MYO9B: variants seen among roughly 807,000 people sequenced by gnomAD.
MYO9B encodes the protein unconventional myosin-IXb.
Under a neutral mutation model 229.5 loss-of-function variants are expected in MYO9B, and 71 were observed. The ratio of observed to expected loss-of-function variants is 0.31; its 90% CI spans 0.26 to 0.38. The LOEUF is 0.38. Ranked by LOEUF, MYO9B falls within the 10% of genes least tolerant of loss-of-function variation. The pLI is 1.00. For synonymous variants in MYO9B, 1,185 were observed against 1,235.8 expected (o/e 0.96, Z 0.86); for missense variants, 2,255 against 2,920.5 (o/e 0.77, Z 5.25).
At chr19:17,183,447 T>C (rs1309482007) in intron 15 of MYO9B, among the ~76,000 whole-genome samples, 1 of 152,194 alleles carries the variant, frequency 6.6e-6, no homozygotes, top group Non-Finnish European at 1.5e-5. Context: ...CATCCTGCTG[T>C]GATCTGGGGG....
At chr19:17,077,257 C>T (rs995567682) in intron 1 of MYO9B, among the ~76,000 whole-genome samples, 1 of 152,160 alleles carries the variant, frequency 6.6e-6, no homozygotes, top group Non-Finnish European at 1.5e-5. Context: ...TGGGATCTGC[C>T]AGAAGGGCTG....
At chr19:17,110,828 G>A (rs1184585385) in intron 2 of MYO9B, among the ~76,000 whole-genome samples, 1 of 152,118 alleles carries the variant, frequency 6.6e-6, no homozygotes, top group Non-Finnish European at 1.5e-5. Flanking sequence ...TCCAGTGAGG[G>A]ACTGAGGAAG....
rs759749156 is a variant in MYO9B at position 17,197,834 on chromosome 19, C to T, written c.4089C>T (p.Leu1363=). 3 of 1,613,552 alleles carry T rather than the reference C, an allele frequency of 1.9e-6. No individual in the cohort carries two copies. Among genetic ancestry groups the T allele is most frequent in the Non-Finnish European group, 2.5e-6 (3 of 1,179,876 alleles). Residue 1363 remains leucine (L), a synonymous_variant, in exon 23 of 40, where the codon CTC becomes CTT. Transcript: ENST00000682292. The stretch of plus-strand genomic sequence containing the variant: ...TCTCCACGAGCGACGTCTCCAAGCT[C>T]CTCCCGTCCCTGGCCAAGGCTCAGG... The part of the protein sequence containing the change: ...TSFSTSDVSK[L]LPSLAKAQPA...
At chr19:17,095,673 A>T (rs564471930) in intron 1 of MYO9B, 1 of 152,226 alleles carries the variant, frequency 6.6e-6, no homozygotes, top group African/African-American at 2.4e-5. Context: ...TTGGTGTACA[A>T]GGAATTGAGT....
At chr19:17,153,849 G>A (rs940014120) in intron 4 of MYO9B, 118 bp from the exon 5 acceptor site, 4 of 748,190 alleles carry the variant, frequency 5.3e-6, no homozygotes, top group Non-Finnish European at 9.5e-6. Context: ...CTGACGTACT[G>A]TTTTAAATTT....
At chr19:17,079,840 G>A (rs2057518683) in intron 1 of MYO9B, among the ~76,000 whole-genome samples, 1 of 152,142 alleles carries the variant, frequency 6.6e-6, no homozygotes, top group Non-Finnish European at 1.5e-5. Flanking sequence ...GGCCCCAGGC[G>A]GCCTCTCGGC....
At chr19:17,158,862 G>T (rs565748005) in intron 7 of MYO9B, among the ~76,000 whole-genome samples, 1 of 152,206 alleles carries the variant, frequency 6.6e-6, no homozygotes, top group East Asian at 1.9e-4. Flanking sequence ...CGGCAAGCCC[G>T]TGCTATGTGG....
chr19:17,183,709 C>T (rs2072886142), intron 15 of MYO9B, 120 bp from the exon 16 acceptor site: 3 of 814,824 alleles, frequency 3.7e-6, no homozygotes, highest in Middle Eastern at 4.7e-4. Flanking sequence ...TGCGCCTTCT[C>T]ACTCTCTCCC....
chr19:17,184,373 GAAGAGT>G (rs1416352959), intron 16 of MYO9B: 1 of 168,884 alleles, frequency 5.9e-6, no homozygotes, highest in Non-Finnish European at 1.3e-5. Flanking sequence ...AAATTTGCAA[GAAGAGT>G]AAGAATAGCC....
intron 22 of MYO9B, among the ~76,000 whole-genome samples, chr19:17,196,405 T>A (rs1032440409): frequency 6.6e-6 from 1 of 150,988 alleles, no homozygotes; most frequent in African/African-American, 2.4e-5. Context: ...AGAAGATGGG[T>A]AGAAATTAGG....
In MYO9B at chr19:17,184,035, T is replaced by C. The variant is rs1028640190; in HGVS notation, c.2373+167T>C. 1.5e-5 allele frequency: 10 copies of C among 687,116 alleles called. No homozygotes were observed. In the African/African-American group the frequency reaches 1.8e-4, roughly 13 times the overall value. The allele number at this position is 687,116 out of a possible 1,614,324, so 42.6% of individuals were successfully genotyped here. A position where few individuals can be genotyped will look rare whatever the true frequency, so the allele number is the denominator to read the frequency against. On this transcript the variant is annotated intron_variant, in intron 16 of 39. Coordinates refer to ENST00000682292, the MANE Select transcript of MYO9B (RefSeq NM_004145.4). ...CGTGTTGAGATGATTTAGAGCTGTC[T>C]CTTTATGGGTTTCCCAGAAGCAGGG...
intron 2 of MYO9B, among the ~76,000 whole-genome samples, chr19:17,110,183 C>T (rs1044155326): frequency 6.6e-6 from 1 of 152,166 alleles, no homozygotes; most frequent in Non-Finnish European, 1.5e-5. Flanking sequence ...CCCTGACCCC[C>T]GCCCCCCGCG....
intron 2 of MYO9B, among the ~76,000 whole-genome samples, chr19:17,143,180 C>T (rs533885785): frequency 5.9e-5 from 9 of 151,702 alleles, no homozygotes; most frequent in South Asian, 2.1e-4. Context: ...TGGAGATTGC[C>T]GTGAGCTGAG....
chr19:17,153,182 GTT>G (rs1294165342), intron 4 of MYO9B, among the ~76,000 whole-genome samples: 1 of 108,682 alleles, frequency 9.2e-6, no homozygotes, highest in Non-Finnish European at 2.0e-5. Context: ...TTGTTTGTTT[GTT>G]TTTGTTTTTG....
chr19:17,133,430 G>C (rs60360805), intron 2 of MYO9B, among the ~76,000 whole-genome samples: 30,904 of 151,754 alleles, frequency 0.2, 3,723 homozygotes, highest in African/African-American at 0.33. Context: ...CAACCCTGCC[G>C]CCACCCCCGG....
intron 15 of MYO9B, among the ~76,000 whole-genome samples, chr19:17,182,728 A>G (rs1056938532): frequency 2.0e-5 from 3 of 152,018 alleles, no homozygotes; most frequent in African/African-American, 7.3e-5. Context: ...GAATGCAACC[A>G]CGGATGGCTA....
rs1416950077 is a variant in MYO9B at position 17,163,127 on chromosome 19, G to A, written c.1671+5G>A. On this transcript the variant is annotated splice_donor_5th_base_variant and intron_variant, in intron 10 of 39. Coordinates refer to ENST00000682292, the MANE Select transcript of MYO9B (RefSeq NM_004145.4). ...CACATCTTCAAGCTGGAGCAGGTGCGGAAAGGGCTTTTTTGTCAATTTTTT... is the reference window on the plus strand; with the variant it reads ...CACATCTTCAAGCTGGAGCAGGTGCAGAAAGGGCTTTTTTGTCAATTTTTT... 7.1e-6 allele frequency: 11 copies of A among 1,549,576 alleles called. No individual in the cohort carries two copies. The highest frequency in any genetic ancestry group is 4.9e-5 in the East Asian group (2 of 41,014).
rs201656752 is a variant in MYO9B at position 17,101,851 on chromosome 19, C to T, written c.134C>T (p.Ser45Leu). 7.3e-5 allele frequency: 118 copies of T among 1,612,080 alleles called. No homozygotes were observed. Among genetic ancestry groups the T allele is most frequent in the Admixed American group, 1.0e-4 (6 of 59,898 alleles). Residue 45 changes from serine (S) to leucine (L), a missense_variant, in exon 2 of 40, where the codon TCG (serine) becomes TTG (leucine). Around this residue, in one of 7 missense-constraint regions of MYO9B, gnomAD observed 386 missense variants for 515.2 expected, o/e 0.75. Coordinates refer to ENST00000682292, the MANE Select transcript of MYO9B (RefSeq NM_004145.4). This position sits in a 1 kb window ranked among gnomAD's most constrained non-coding sequence, Gnocchi z 4.7. ...RVTATKDSTT[S>L]DVIKDAIASL... ...ACTGCCACCAAGGACAGCACCACCTCGGACGTCATCAAGGACGCCATTGCC... is the reference window on the plus strand; with the variant it reads ...ACTGCCACCAAGGACAGCACCACCTTGGACGTCATCAAGGACGCCATTGCC...
chr19:17,156,931 A>T lies in MYO9B; in HGVS notation c.1222A>T (p.Ile408Phe), dbSNP rs1037705221. The T allele has an allele frequency of 6.8e-6, 11 of 1,613,626 alleles. No individual in the cohort carries two copies. Among genetic ancestry groups the T allele is most frequent in the Non-Finnish European group, 9.3e-6 (11 of 1,179,840 alleles). The part of the protein sequence containing the change: ...KKQIFAVLSA[I>F]LYLGNVTYKK... Reference sequence around the variant, plus strand: ...CAGGATTTTTGCCGTCCTCTCGGCCATCCTGTACCTGGGCAACGTCACTTA... The same window carrying T: ...CAGGATTTTTGCCGTCCTCTCGGCCTTCCTGTACCTGGGCAACGTCACTTA... Residue 408 changes from isoleucine (I) to phenylalanine (F), a missense_variant, in exon 7 of 40, where the codon ATC becomes TTC. By Grantham distance (21) the Ile-to-Phe change is conservative. Coordinates refer to ENST00000682292, the MANE Select transcript of MYO9B (RefSeq NM_004145.4).
Sources: gnomAD v4.1 joint callset for allele counts (sites outside exome capture counted in the v4.1 genomes callset) on GRCh38, gnomAD v4.1.1 for gene constraint, gnomAD v4.1.1 regional missense constraint, Gnocchi (gnomAD v3.1) non-coding constraint, MANE v1.5 for transcripts, NCBI Gene and HGNC (gene_info 2026-07-23, HGNC 2026-07-21) for gene names.